Variants in NIBAN1 observed in about 807,000 individuals in gnomAD.
The protein encoded by NIBAN1 is protein Niban 1.
A neutral mutation model predicts 75.1 loss-of-function variants in NIBAN1; 81 were observed. The observed-to-expected ratio is 1.08, with a 90% CI of 0.90 to 1.30. The LOEUF is 1.30. Among genes scored for constraint, NIBAN1 ranks in the 50% most tolerant of loss-of-function variants. The pLI, the probability that NIBAN1 is intolerant of heterozygous loss-of-function variation, is 0.00. For synonymous variants in NIBAN1, 436 were observed against 424.8 expected (o/e 1.03, Z -0.32); for missense variants, 1,133 against 1,128.1 (o/e 1.00, Z -0.06).
intron 1 of NIBAN1, among the ~76,000 whole-genome samples, chr1:184,904,211 T>C (rs756191483): frequency 2.0e-4 from 31 of 151,916 alleles, no homozygotes; most frequent in Admixed American, 3.9e-4. Flanking sequence ...TTGTATTTTT[T>C]GTAGAGACAG....
chr1:184,934,556 G>A (rs1003278214), intron 1 of NIBAN1, among the ~76,000 whole-genome samples: 11 of 152,248 alleles, frequency 7.2e-5, no homozygotes, highest in Middle Eastern at 3.4e-3. Flanking sequence ...TTGAGGCCAG[G>A]AGTTCAAGAC....
At chr1:184,970,544 T>A (rs1041036468) in intron 1 of NIBAN1, among the ~76,000 whole-genome samples, 3 of 152,202 alleles carry the variant, frequency 2.0e-5, no homozygotes, top group African/African-American at 7.2e-5. Flanking sequence ...AGAGGGAACT[T>A]CCCTGAGAAA....
chr1:184,904,307 C>T (rs1026151700), intron 1 of NIBAN1, among the ~76,000 whole-genome samples: 1 of 152,166 alleles, frequency 6.6e-6, no homozygotes, highest in African/African-American at 2.4e-5. Context: ...GGATTACAGG[C>T]ATGAGCCATC....
intron 1 of NIBAN1, among the ~76,000 whole-genome samples, chr1:184,920,585 C>G (rs1309215009): frequency 6.6e-6 from 1 of 152,174 alleles, no homozygotes; most frequent in Non-Finnish European, 1.5e-5. Context: ...CTACTCTACT[C>G]TCCACTTCTA....
At chr1:184,916,939 G>A (rs1298175406) in intron 1 of NIBAN1, among the ~76,000 whole-genome samples, 1 of 152,054 alleles carries the variant, frequency 6.6e-6, no homozygotes, top group Non-Finnish European at 1.5e-5. Flanking sequence ...AGGACTCATA[G>A]TTGATTCACT....
chr1:184,903,797 T>G (rs918560343), intron 1 of NIBAN1, among the ~76,000 whole-genome samples: 20 of 145,770 alleles, frequency 1.4e-4, no homozygotes, highest in Non-Finnish European at 1.0e-4. Context: ...AGTGCAGTGC[T>G]GCAATCACAG....
intron 1 of NIBAN1, among the ~76,000 whole-genome samples, chr1:184,914,657 T>A (rs1430590819): frequency 6.6e-6 from 1 of 152,144 alleles, no homozygotes; most frequent in Non-Finnish European, 1.5e-5. Flanking sequence ...GTTACTGTAG[T>A]GAAGAAGATT....
At chr1:184,944,535 G>A (rs541234580) in intron 1 of NIBAN1, among the ~76,000 whole-genome samples, 1 of 152,366 alleles carries the variant, frequency 6.6e-6, no homozygotes, top group Non-Finnish European at 1.5e-5. Flanking sequence ...GATGCCTTTA[G>A]GTAATGCAGG....
Position 184,791,698 on chromosome 1 carries a change from G to A in NIBAN1, c.*3279C>T, listed in dbSNP as rs1381039480. The A allele has an allele frequency of 6.6e-6, 1 of 151,990 alleles. No homozygotes were observed. The highest frequency in any genetic ancestry group is 1.5e-5 in the Non-Finnish European group (1 of 68,002). 9.4% of individuals were successfully genotyped at this position (151,990 alleles called of 1,614,324 possible). ...CTCGAGGTTTTATGCATTTCTAATG[G>A]CTTTGCCCATAGGAGAGATACCCAG... On this transcript the variant is annotated 3_prime_UTR_variant, in exon 14 of 14. Transcript: ENST00000367511.
intron 4 of NIBAN1, among the ~76,000 whole-genome samples, chr1:184,887,054 G>A (rs981403900): frequency 2.0e-5 from 3 of 152,172 alleles, no homozygotes; most frequent in African/African-American, 7.2e-5. Flanking sequence ...CCGGGAGGCA[G>A]AGGTTGCAGT....
chr1:184,904,860 A>C (rs1321083312), intron 1 of NIBAN1, among the ~76,000 whole-genome samples: 1 of 152,046 alleles, frequency 6.6e-6, no homozygotes, highest in Non-Finnish European at 1.5e-5. Context: ...CTGAGGCAGG[A>C]GAATCACTTG....
In NIBAN1 at chr1:184,938,080, T is replaced by C. The variant is rs543919895; in HGVS notation, c.55+36222A>G. Among the ~76,000 whole-genome samples, 24 of 152,320 alleles carry C rather than the reference T, an allele frequency of 1.6e-4. 1 individual carries two copies. The South Asian group carries it at 4.8e-3, about 30-fold the overall frequency. On this transcript the variant is annotated intron_variant, in intron 1 of 13. Transcript: ENST00000367511. The stretch of plus-strand genomic sequence containing the variant: ...AGGCTGGAGAGGTGGACAGAATCTC[T>C]GGTCATGGAGATTAACAGGGAGCTG...
At chr1:184,840,956 A>AGTGT (rs57091998) in intron 5 of NIBAN1, among the ~76,000 whole-genome samples, 3,084 of 148,056 alleles carry the variant, frequency 0.021, 50 homozygotes, top group African/African-American at 0.049. Context: ...AAAGAGTGTG[A>AGTGT]GTGTGTGTGT....
chr1:184,835,917 G>T (rs1277730440), intron 5 of NIBAN1, among the ~76,000 whole-genome samples: 1 of 152,166 alleles, frequency 6.6e-6, no homozygotes, highest in Non-Finnish European at 1.5e-5. Context: ...TCCCTGTCTT[G>T]TGCCCGTTTT....
intron 5 of NIBAN1, among the ~76,000 whole-genome samples, chr1:184,865,203 C>T (rs1655921632): frequency 6.6e-6 from 1 of 152,104 alleles, no homozygotes; most frequent in African/African-American, 2.4e-5. Context: ...AGTCTGGAAT[C>T]AGCCTTGGTG....
At chr1:184,797,436 C>T (rs1653907932) in intron 13 of NIBAN1, among the ~76,000 whole-genome samples, 1 of 151,972 alleles carries the variant, frequency 6.6e-6, no homozygotes, top group African/African-American at 2.4e-5. Flanking sequence ...CCCACTGTGC[C>T]CAGCCCTCTC....
intron 3 of NIBAN1, among the ~76,000 whole-genome samples, chr1:184,890,675 T>G (rs566894996): frequency 6.6e-6 from 1 of 152,228 alleles, no homozygotes; most frequent in Non-Finnish European, 1.5e-5. Context: ...GTAGCTGCAA[T>G]GATAGTTACC....
intron 9 of NIBAN1, among the ~76,000 whole-genome samples, chr1:184,814,958 C>T (rs184489169): frequency 8.0e-4 from 122 of 152,258 alleles, no homozygotes; most frequent in African/African-American, 2.9e-3. Context: ...TTCTGCATTC[C>T]ATGACTCATC....
chr1:184,801,604 A>G (rs1335034464), intron 12 of NIBAN1, among the ~76,000 whole-genome samples: 1 of 152,176 alleles, frequency 6.6e-6, no homozygotes, highest in Non-Finnish European at 1.5e-5. Flanking sequence ...TCCTGGCTGT[A>G]TAAGCAGAGT....
Sources: gnomAD v4.1 joint callset for allele counts (sites outside exome capture counted in the v4.1 genomes callset) on GRCh38, gnomAD v4.1.1 for gene constraint, MANE v1.5 for transcripts, NCBI Gene and HGNC (gene_info 2026-07-23, HGNC 2026-07-21) for gene names.